Variants in PDIA6 observed in about 807,000 individuals in gnomAD.
The protein encoded by PDIA6 is protein disulfide-isomerase A6.
Under a neutral mutation model 58.4 loss-of-function variants are expected in PDIA6, and 29 were observed. The observed-to-expected ratio is 0.50, with a 90% CI of 0.37 to 0.68. The LOEUF is 0.68. PDIA6 is among the 30% of genes least tolerant of loss of function. PDIA6 has a pLI of 0.00. For missense variants in PDIA6, 480 were observed against 551.0 expected (o/e 0.87, Z 1.29); for synonymous variants, 192 against 202.6 (o/e 0.95, Z 0.44).
chr2:10,787,265 T>C lies in PDIA6; in HGVS notation c.1157+16A>G. The C allele has an allele frequency of 6.2e-7, 1 of 1,611,926 alleles. No individual in the cohort carries two copies. The highest frequency in any genetic ancestry group is 8.5e-7 in the Non-Finnish European group (1 of 1,178,082). ...CAAACAGACAAAACAACAAACAACC[T>C]AAGAAAACAAATTACCTGAGAAACT... On this transcript the variant is annotated intron_variant, in intron 11 of 12. Coordinates refer to ENST00000272227, the MANE Select transcript of PDIA6 (RefSeq NM_005742.4).
exon 2 of PDIA6, chr2:10,819,314 A>G (rs1667314636): frequency 1.3e-6 from 2 of 1,539,348 alleles, no homozygotes; most frequent in African/African-American, 2.7e-5. Context: ...ACATTATGGG[A>G]CTTTTCCTTG....
At chr2:10,815,187 G>A (rs1667155257), upstream of PDIA6, among the ~76,000 whole-genome samples, 1 of 149,978 alleles carries the variant, frequency 6.7e-6, no homozygotes, top group Non-Finnish European at 1.5e-5. Context: ...GAAATGCACA[G>A]CCTTCTGGAA....
intron 4 of PDIA6, among the ~76,000 whole-genome samples, chr2:10,794,432 C>T (rs4630743): frequency 0.5 from 71,891 of 142,490 alleles, 19,230 homozygotes; most frequent in Middle Eastern, 0.62. Context: ...GGTGACAGAA[C>T]GAGACTCTGT....
At chr2:10,792,639 C>T (rs55648622) in intron 5 of PDIA6, among the ~76,000 whole-genome samples, 21,681 of 152,228 alleles carry the variant, frequency 0.14, 1,977 homozygotes, top group Non-Finnish European at 0.21. Flanking sequence ...ATCTAAAACA[C>T]CAATCTGCTC....
chr2:10,793,181 A>G lies in PDIA6; in HGVS notation c.368T>C (p.Ile123Thr). The G allele has an allele frequency of 6.2e-7, 1 of 1,613,720 alleles. No individual in the cohort carries two copies. Among genetic ancestry groups the G allele is most frequent in the Non-Finnish European group, 8.5e-7 (1 of 1,179,798 alleles). Residue 123 changes from isoleucine (I) to threonine (T), a missense_variant, in exon 5 of 13, where the codon ATT becomes ACT. By Grantham distance (89) the Ile-to-Thr change is moderately conservative. Transcript: ENST00000272227. ...DYQGGRTGEA[I>T]VDAALSALRQ... is the part of the protein sequence containing the mutation. Reference sequence around the variant, plus strand: ...CAGAGCACTCAGCGCAGCATCTACAATGGCTTCACCAGTTCTGCCACCTAC... The same window carrying G: ...CAGAGCACTCAGCGCAGCATCTACAGTGGCTTCACCAGTTCTGCCACCTAC...
chr2:10,809,788 T>C lies in PDIA6; in HGVS notation c.19+2890A>G, dbSNP rs145081397. 1.9e-3 allele frequency among the ~76,000 whole-genome samples: 293 copies of C among 152,244 alleles called. 2 individuals carry two copies. Among genetic ancestry groups the C allele is most frequent in the African/African-American group, 6.2e-3 (257 of 41,534 alleles). On this transcript the variant is annotated intron_variant, in intron 1 of 12. Coordinates refer to ENST00000272227, the MANE Select transcript of PDIA6 (RefSeq NM_005742.4). ...CAGTACACTGAGCCTATTGTGAAAT[T>C]TTCAAAAATGGAAAAGCAAAAGAGT...
At chr2:10,785,182 G>A in intron 11 of PDIA6, 152 bp from the exon 12 acceptor site, 1 of 602,188 alleles carries the variant, frequency 1.7e-6, no homozygotes, top group African/African-American at 1.9e-5. Flanking sequence ...GAAACACCTT[G>A]AGGACATTAT....
exon 1 of PDIA6, chr2:10,832,457 A>AC (rs1225868087): frequency 1.0e-6 from 1 of 985,214 alleles, no homozygotes; most frequent in African/African-American, 1.7e-5. Context: ...AGGCCAGGAG[A>AC]CCTAACCTTG....
chr2:10,802,778 C>A, intron 1 of PDIA6, 138 bp from the exon 2 acceptor site: 4 of 525,286 alleles, frequency 7.6e-6, no homozygotes, highest in Non-Finnish European at 1.2e-5. Flanking sequence ...CTCTGCCCTT[C>A]CTGCTGCAGT....
rs1449335987 is a variant in PDIA6, at chr2:10,802,588, A to G, written c.72T>C (p.Ser24=). The G allele has an allele frequency of 6.7e-7, 1 of 1,503,676 alleles. No homozygotes were observed. The highest frequency in any genetic ancestry group is 8.9e-7 in the Non-Finnish European group (1 of 1,128,004). The allele number at this position is 1,503,676 out of a possible 1,614,324, so 93.1% of individuals were successfully genotyped here. The change falls in exon 2 of 13, where the codon AGT becomes AGC. Residue 24 remains serine, a synonymous_variant. Coordinates refer to ENST00000272227, the MANE Select transcript of PDIA6 (RefSeq NM_005742.4). ...ATGGAGTTAATTCGATCACATCATCACTAGAGGAATACAGACCATTCACTG... is the reference window on the plus strand; with the variant it reads ...ATGGAGTTAATTCGATCACATCATCGCTAGAGGAATACAGACCATTCACTG... ...FLAVNGLYSS[S]DDVIELTPSN... is the part of the protein sequence containing the mutation.
chr2:10,829,962 A>G (rs1046167416), intron 1 of PDIA6, among the ~76,000 whole-genome samples: 4 of 152,162 alleles, frequency 2.6e-5, no homozygotes, highest in African/African-American at 9.7e-5. Context: ...GCCATGCCCA[A>G]GTTCTTCAAG....
At chr2:10,785,221 A>T in intron 11 of PDIA6, 191 bp from the exon 12 acceptor site, 1 of 541,572 alleles carries the variant, frequency 1.8e-6, no homozygotes, top group Non-Finnish European at 3.3e-6. Context: ...CATTACAACC[A>T]GATTCAACAT....
At chr2:10,797,579 C>G (rs116709970) in intron 3 of PDIA6, 121 bp downstream of exon 3, 1 of 701,232 alleles carries the variant, frequency 1.4e-6, no homozygotes, top group East Asian at 2.6e-5. Context: ...AACTAGCTTC[C>G]CATTGAACAT....
intron 5 of PDIA6, 89 bp from the exon 6 acceptor site, chr2:10,792,014 C>T (rs756933209): frequency 9.4e-6 from 13 of 1,378,082 alleles, no homozygotes; most frequent in East Asian, 2.3e-5. Flanking sequence ...TACATCTTAA[C>T]AAAGTTTTAG....
rs1666550905 is a variant in PDIA6 at position 10,802,438 on chromosome 2, A to C, written c.161+61T>G. 2.8e-6 allele frequency: 3 copies of C among 1,063,386 alleles called. No individual in the cohort carries two copies. The South Asian group carries it at 1.0e-4, about 36-fold the overall frequency. The allele number at this position is 1,063,386 out of a possible 1,614,324, so 65.9% of individuals were successfully genotyped here. Reference sequence around the variant, plus strand: ...TCTTAATAAAATCAGATTTTTATACAGCGTTTTCTCCAATTTCAGAAAGTA... The same window carrying C: ...TCTTAATAAAATCAGATTTTTATACCGCGTTTTCTCCAATTTCAGAAAGTA... On this transcript the variant is annotated intron_variant, in intron 2 of 12. Transcript: ENST00000272227.
chr2:10,818,382 G>T (rs1237614214), intron 2 of PDIA6, among the ~76,000 whole-genome samples: 3 of 151,704 alleles, frequency 2.0e-5, no homozygotes, highest in Admixed American at 6.6e-5. Context: ...TGCCCAGGCT[G>T]GTCTCAACTC....
At chr2:10,818,491 T>TTTA (rs1325097514) in intron 2 of PDIA6, among the ~76,000 whole-genome samples, 2 of 100,498 alleles carry the variant, frequency 2.0e-5, no homozygotes, top group Non-Finnish European at 4.3e-5. Context: ...AATTTATTTA[T>TTTA]TTATTTATTT....
In PDIA6 at chr2:10,788,897, C is replaced by T; in HGVS notation, c.925G>A (p.Gly309Arg). The change falls in exon 9 of 13, where the codon GGA becomes AGA. Residue 309 changes from glycine (G) to arginine (R), a missense_variant and splice_region_variant. Transcript: ENST00000272227. ...GGGAAATCATTTCCGTCTGTCTTAC[C>T]AGTATCAAGGATATGGGGCAGCACA... ...VAVLPHILDT[G>R]AAGRNSYLEV... The T allele has an allele frequency of 1.2e-6, 2 of 1,611,366 alleles. No homozygotes were observed. The highest frequency in any genetic ancestry group is 8.5e-7 in the Non-Finnish European group (1 of 1,177,534).
intron 1 of PDIA6, among the ~76,000 whole-genome samples, chr2:10,806,650 A>AAAGAAAGAAAGAGAGAAAGAAAGAAAG (rs1553339954): frequency 1.6e-5 from 1 of 62,924 alleles, no homozygotes; most frequent in Non-Finnish European, 4.5e-5. Flanking sequence ...AAGAAAGAAA[A>AAAGAAAGAAAGAGAGAAAGAAAGAAAG]ACGTTACAGT....
Sources: allele counts gnomAD v4.1 joint callset (sites outside exome capture counted in the v4.1 genomes callset), GRCh38; gene constraint gnomAD v4.1.1; transcripts MANE v1.5; gene names NCBI Gene and HGNC (gene_info 2026-07-23, HGNC 2026-07-21).